HIPK3: variants seen among roughly 807,000 people sequenced by gnomAD.
HIPK3 encodes homeodomain interacting protein kinase 3, also known as homeodomain-interacting protein kinase 3.
A neutral mutation model predicts 124.2 loss-of-function variants in HIPK3; 47 were observed. That is an observed-to-expected ratio of 0.38 (90% CI 0.30 to 0.48). The LOEUF (loss-of-function observed/expected upper bound fraction) is 0.48, where lower values mean the gene tolerates loss of function less well. HIPK3 is among the 20% of genes least tolerant of loss of function. The pLI, the probability that HIPK3 is intolerant of heterozygous loss-of-function variation, is 0.98. For synonymous variants in HIPK3, 482 were observed against 515.2 expected (o/e 0.94, Z 0.87); for missense variants, 1,286 against 1,454.3 (o/e 0.88, Z 1.88).
intron 2 of HIPK3, among the ~76,000 whole-genome samples, chr11:33,314,027 G>T (rs545566106): frequency 2.0e-5 from 3 of 152,120 alleles, no homozygotes; most frequent in South Asian, 2.1e-4. Flanking sequence ...CTTGCTATGT[G>T]CCCAGGCTGG....
At position 33,257,454 on chromosome 11, in the gene HIPK3, G is replaced by T; in HGVS notation, c.-438G>T. 1 of 985,626 alleles carries T rather than the reference G, an allele frequency of 1.0e-6. No homozygotes were observed. The highest frequency in any genetic ancestry group is 1.2e-6 in the Non-Finnish European group (1 of 830,186). The allele number at this position is 985,626 out of a possible 1,614,324, so 61.1% of individuals were successfully genotyped here. A position where few individuals can be genotyped will look rare whatever the true frequency, so the allele number is the denominator to read the frequency against. On this transcript the variant is annotated 5_prime_UTR_variant, in exon 1 of 17. Transcript: ENST00000303296. Reference sequence around the variant, plus strand: ...AGATCAAGCCGCAGGCCCCGCCGTCGCCACCACTCCCGCCAGTCTTCCTTC... The same window carrying T: ...AGATCAAGCCGCAGGCCCCGCCGTCTCCACCACTCCCGCCAGTCTTCCTTC...
chr11:33,307,740 T>G (rs1307503919), intron 2 of HIPK3, among the ~76,000 whole-genome samples: 3 of 151,234 alleles, frequency 2.0e-5, no homozygotes, highest in Non-Finnish European at 2.9e-5. Flanking sequence ...TGTGCTTGGT[T>G]GTTTTATTCT....
At chr11:33,285,907 G>A (rs566948879) in intron 1 of HIPK3, among the ~76,000 whole-genome samples, 9 of 152,066 alleles carry the variant, frequency 5.9e-5, no homozygotes, top group African/African-American at 1.9e-4. Context: ...GAGTAGCTGG[G>A]ACCACAGGCA....
intron 2 of HIPK3, among the ~76,000 whole-genome samples, chr11:33,289,646 T>G (rs1851646630): frequency 6.6e-6 from 1 of 152,208 alleles, no homozygotes; most frequent in South Asian, 2.1e-4. Context: ...CAAGCATTTG[T>G]CATTTCTTTG....
intron 1 of HIPK3, among the ~76,000 whole-genome samples, chr11:33,282,797 G>A (rs1232017989): frequency 6.6e-6 from 1 of 152,156 alleles, no homozygotes; most frequent in Non-Finnish European, 1.5e-5. Context: ...ATCGAGTAGG[G>A]TGTAGTGGTT....
chr11:33,351,515 T>G, intron 14 of HIPK3, 93 bp from the exon 15 acceptor site: 1 of 776,680 alleles, frequency 1.3e-6, no homozygotes, highest in Non-Finnish European at 2.1e-6. Context: ...CTGAATAATG[T>G]TCTCATCAGT....
chr11:33,308,556 T>C (rs1366727893), intron 2 of HIPK3, among the ~76,000 whole-genome samples: 1 of 151,930 alleles, frequency 6.6e-6, no homozygotes, highest in African/African-American at 2.4e-5. Flanking sequence ...TCTGGCTGCA[T>C]TTAGGGTTTT....
intron 1 of HIPK3, among the ~76,000 whole-genome samples, chr11:33,274,044 A>G (rs1851208097): frequency 6.6e-6 from 1 of 152,190 alleles, no homozygotes; most frequent in African/African-American, 2.4e-5. Flanking sequence ...AGGTTGTTTA[A>G]GGTAAACCAT....
intron 1 of HIPK3, among the ~76,000 whole-genome samples, chr11:33,259,785 C>A (rs1272500743): frequency 7.4e-6 from 1 of 135,866 alleles, no homozygotes; most frequent in Non-Finnish European, 1.6e-5. Flanking sequence ...CCTTAATCCC[C>A]CCCTCTGCCT....
chr11:33,310,265 TGTC>T (rs1228784296), intron 2 of HIPK3, among the ~76,000 whole-genome samples: 20 of 75,998 alleles, frequency 2.6e-4, no homozygotes, highest in Non-Finnish European at 3.6e-4. Flanking sequence ...TCTGTCTGTC[TGTC>T]TGTCTGTCTA....
In HIPK3 at chr11:33,257,802, C is replaced by T. The variant is rs1359370017; in HGVS notation, c.-90C>T. 1.0e-6 allele frequency: 1 copy of T among 986,796 alleles called. No homozygotes were observed. Among genetic ancestry groups the T allele is most frequent in the Non-Finnish European group, 1.2e-6 (1 of 831,066 alleles). The allele number at this position is 986,796 out of a possible 1,614,324, so 61.1% of individuals were successfully genotyped here. ...TGCCGCCTGCTGAAGCGCCTGGCTC[C>T]CGGTCCCCGGCACGGCCCTGCGCCC... is the stretch of plus-strand genomic sequence containing the variant. On this transcript the variant is annotated 5_prime_UTR_variant, in exon 1 of 17. Coordinates refer to ENST00000303296, the MANE Select transcript of HIPK3 (RefSeq NM_005734.5).
chr11:33,276,948 A>G (rs1299838009), intron 1 of HIPK3, among the ~76,000 whole-genome samples: 2 of 152,094 alleles, frequency 1.3e-5, no homozygotes, highest in Non-Finnish European at 2.9e-5. Context: ...CAAATGATTC[A>G]CCAGCCTCGG....
At chr11:33,265,772 CAAAAAAA>C (rs55837408) in intron 1 of HIPK3, among the ~76,000 whole-genome samples, 1 of 64,776 alleles carries the variant, frequency 1.5e-5, no homozygotes, top group East Asian at 4.5e-4. Flanking sequence ...GACCTTGTCT[CAAAAAAA>C]AAAAAAAAAA....
intron 8 of HIPK3, among the ~76,000 whole-genome samples, chr11:33,342,294 C>G (rs1346664115): frequency 6.6e-6 from 1 of 151,968 alleles, no homozygotes; most frequent in Admixed American, 6.6e-5. Context: ...ACAGGTTGGC[C>G]TATACTGGGT....
In HIPK3 at chr11:33,257,838, A is replaced by G; in HGVS notation, c.-54A>G. ...CACGGCCCTGCGCCCCACCCCGGAC[A>G]TGCTCAGGGCTGCGGCCGCCCGAAG... On this transcript the variant is annotated 5_prime_UTR_variant, in exon 1 of 17. The change abolishes an upstream ATG in the 5' untranslated region. Coordinates refer to ENST00000303296, the MANE Select transcript of HIPK3 (RefSeq NM_005734.5). The G allele has an allele frequency of 1.0e-6, 1 of 985,918 alleles. No individual in the cohort carries two copies. The highest frequency in any genetic ancestry group is 4.7e-5 in the South Asian group (1 of 21,316). The allele number at this position is 985,918 out of a possible 1,614,324, so 61.1% of individuals were successfully genotyped here.
intron 8 of HIPK3, among the ~76,000 whole-genome samples, chr11:33,344,233 AT>A (rs1273897866): frequency 6.6e-5 from 10 of 152,106 alleles, no homozygotes; most frequent in Admixed American, 2.6e-4. Flanking sequence ...CTGTTTAAAA[AT>A]TTTTTTTAAT....
At chr11:33,281,029 G>GT (rs1170321762) in intron 1 of HIPK3, among the ~76,000 whole-genome samples, 1 of 139,208 alleles carries the variant, frequency 7.2e-6, no homozygotes, top group East Asian at 2.2e-4. Context: ...TTTCTGATTA[G>GT]AGTTTTATGT....
At chr11:33,326,171 G>A (rs1270180927) in intron 2 of HIPK3, among the ~76,000 whole-genome samples, 1 of 152,158 alleles carries the variant, frequency 6.6e-6, no homozygotes, top group African/African-American at 2.4e-5. Flanking sequence ...AAGAAATGGG[G>A]TGGTCCTCCC....
At chr11:33,309,080 A>G (rs991489831) in intron 2 of HIPK3, among the ~76,000 whole-genome samples, 3 of 152,228 alleles carry the variant, frequency 2.0e-5, no homozygotes, top group Admixed American at 2.0e-4. Flanking sequence ...CTAGGAAGGC[A>G]TAGCCTTCTG....
Sources: gnomAD v4.1 joint callset for allele counts (sites outside exome capture counted in the v4.1 genomes callset) on GRCh38, gnomAD v4.1.1 for gene constraint, MANE v1.5 for transcripts, NCBI Gene and HGNC (gene_info 2026-07-23, HGNC 2026-07-21) for gene names.